The following THOC2 variants were observed in gnomAD, a reference collection of about 807,000 sequenced individuals.
THOC2 encodes THO complex subunit 2.
A neutral mutation model predicts 128.4 loss-of-function variants in THOC2; 10 were observed. That is an observed-to-expected ratio of 0.08 (90% CI 0.05 to 0.13). THOC2 has a LOEUF of 0.13. Ranked by LOEUF, THOC2 falls within the 10% of genes least tolerant of loss-of-function variation. The pLI, the probability that THOC2 is intolerant of heterozygous loss-of-function variation, is 1.00. For missense variants in THOC2, 535 were observed against 1,155.7 expected, an observed-to-expected ratio of 0.46 and a Z score of 7.79; for synonymous variants, 393 against 396.9, an observed-to-expected ratio of 0.99 and a Z score of 0.12.
intron 1 of THOC2, among the ~76,000 whole-genome samples, chrX:123,714,592 CAGA>C (rs2051327948): frequency 9.0e-6 from 1 of 111,604 alleles, no homozygotes; most frequent in South Asian, 3.7e-4. Context: ...AGTAAGGAAA[CAGA>C]AGACTTGAAT....
intron 8 of THOC2, among the ~76,000 whole-genome samples, chrX:123,674,930 C>A (rs2049425336): frequency 9.0e-6 from 1 of 111,460 alleles, no homozygotes; most frequent in Non-Finnish European, 1.9e-5. Context: ...GTACCCCAAA[C>A]CTCAGCATCA....
chrX:123,708,295 T>C (rs911258036), intron 2 of THOC2, among the ~76,000 whole-genome samples: 2 of 111,615 alleles, frequency 1.8e-5, no homozygotes, highest in African/African-American at 3.2e-5. Flanking sequence ...TTATGAAGAA[T>C]TCTTTATTAA....
intron 8 of THOC2, among the ~76,000 whole-genome samples, chrX:123,681,886 C>T (rs949309868): frequency 2.7e-4 from 30 of 111,503 alleles, no homozygotes; most frequent in African/African-American, 8.8e-4. Flanking sequence ...ATGGAGAAAC[C>T]CCACCTCTAC....
intron 1 of THOC2, 61 bp downstream of exon 1, chrX:123,732,891 G>C: frequency 9.2e-7 from 1 of 1,092,727 alleles, no homozygotes; most frequent in Non-Finnish European, 1.3e-6. Context: ...CTACAGGTGA[G>C]AGTGCAGCTG....
intron 1 of THOC2, among the ~76,000 whole-genome samples, chrX:123,720,971 G>C (rs939664326): frequency 2.7e-5 from 3 of 111,592 alleles, no homozygotes; most frequent in African/African-American, 9.8e-5. Context: ...AGATGAAAAA[G>C]ATCAGGAGAA....
At chrX:123,645,200 A>C (rs996356143) in intron 13 of THOC2, 134 bp downstream of exon 13, 19 of 482,964 alleles carry the variant, frequency 3.9e-5, no homozygotes, top group Admixed American at 5.0e-5. Flanking sequence ...ATATGCCGCC[A>C]AAAACTATAA....
Position 123,600,618 on chromosome X carries a change from C to T in THOC2, c.*739G>A, listed in dbSNP as rs905524146. 9 of 112,181 alleles carry T rather than the reference C, an allele frequency of 8.0e-5. No homozygotes were observed. Among genetic ancestry groups the T allele is most frequent in the East Asian group, 2.8e-4 (1 of 3,601 alleles). The allele number at this position is 112,181 out of a possible 1,213,427, so 9.2% of individuals were successfully genotyped here. A position where few individuals can be genotyped will look rare whatever the true frequency, so the allele number is the denominator to read the frequency against. On this transcript the variant is annotated 3_prime_UTR_variant, in exon 39 of 39. Coordinates refer to ENST00000245838, the MANE Select transcript of THOC2 (RefSeq NM_001081550.2). ...GAAAAAAGGTTACACTGGTAGAATT[C>T]GGCAGATAAAAAAATTCTCTTTTAA...
At chrX:123,648,107 C>T (rs1195119064) in intron 12 of THOC2, among the ~76,000 whole-genome samples, 5 of 110,961 alleles carry the variant, frequency 4.5e-5, no homozygotes, top group Admixed American at 9.6e-5. Context: ...CTGAGGTACC[C>T]GGCTCATCTC....
chrX:123,649,339 A>G (rs2048264134), intron 12 of THOC2, among the ~76,000 whole-genome samples: 1 of 111,872 alleles, frequency 8.9e-6, no homozygotes, highest in African/African-American at 3.3e-5. Context: ...AAATCCATGA[A>G]GATGAGAAAA....
chrX:123,645,821 G>A (rs2048102801), intron 12 of THOC2, among the ~76,000 whole-genome samples: 1 of 111,781 alleles, frequency 8.9e-6, no homozygotes, highest in Non-Finnish European at 1.9e-5. Context: ...AATTAGCCAG[G>A]CATGGTGGCG....
rs144256264 is a variant in THOC2, at chrX:123,603,933, A to G, written c.*19-2595T>C. On this transcript the variant is annotated intron_variant, in intron 38 of 38. Coordinates refer to ENST00000245838, the MANE Select transcript of THOC2 (RefSeq NM_001081550.2). ...TAGCTGTCATCAAGAAGAAAGTTGC[A>G]TAGTGATGAAGCAGTGCCAAACTCA... 973 of 127,856 alleles carry G rather than the reference A, an allele frequency of 7.6e-3. 8 individuals carry two copies. The highest frequency in any genetic ancestry group is 0.029 in the African/African-American group (896 of 31,307). The allele number at this position is 127,856 out of a possible 1,213,427, so 10.5% of individuals were successfully genotyped here. A position where few individuals can be genotyped will look rare whatever the true frequency, so the allele number is the denominator to read the frequency against.
chrX:123,670,000 T>TCA (rs1336874588), intron 9 of THOC2, among the ~76,000 whole-genome samples: 1 of 112,329 alleles, frequency 8.9e-6, no homozygotes, highest in African/African-American at 3.2e-5. Flanking sequence ...CTAAATGCAA[T>TCA]CATAATGAGT....
intron 8 of THOC2, among the ~76,000 whole-genome samples, chrX:123,680,152 G>A (rs2049700352): frequency 1.8e-5 from 2 of 110,257 alleles, no homozygotes; most frequent in African/African-American, 3.3e-5. Flanking sequence ...CAAGAGGAAG[G>A]CATCTGTCTC....
chrX:123,614,518 T>C (rs561979075), intron 33 of THOC2, among the ~76,000 whole-genome samples: 1 of 108,585 alleles, frequency 9.2e-6, no homozygotes, highest in Admixed American at 9.8e-5. Context: ...TGAACAATAG[T>C]GACTGGAGTT....
In THOC2 at chrX:123,668,324, G is replaced by T. The variant is rs754376351; in HGVS notation, c.862-10C>A. The T allele has an allele frequency of 8.7e-6, 10 of 1,146,565 alleles. No individual in the cohort carries two copies. The highest frequency in any genetic ancestry group is 1.2e-5 in the Non-Finnish European group (10 of 857,843). 94.5% of individuals were successfully genotyped at this position (1,146,565 alleles called of 1,213,427 possible). On this transcript the variant is annotated splice_polypyrimidine_tract_variant and intron_variant, in intron 9 of 38. Coordinates refer to ENST00000245838, the MANE Select transcript of THOC2 (RefSeq NM_001081550.2). ...TATCAGCCGGAAGAAGCTAAAAATG[G>T]TACATTAAAATTTCATAAAATAGCT...
chrX:123,707,611 T>C (rs2050988636), intron 2 of THOC2, among the ~76,000 whole-genome samples: 1 of 111,398 alleles, frequency 9.0e-6, no homozygotes, highest in African/African-American at 3.3e-5. Context: ...AAAGATATTT[T>C]GGTTTTGGAG....
chrX:123,711,739 C>T, intron 2 of THOC2, among the ~76,000 whole-genome samples: 1 of 110,321 alleles, frequency 9.1e-6, no homozygotes, highest in South Asian at 3.9e-4. Flanking sequence ...GCTGAGATTG[C>T]ACCAATGCAC....
intron 12 of THOC2, among the ~76,000 whole-genome samples, chrX:123,652,626 T>C (rs1434152217): frequency 4.5e-5 from 5 of 111,613 alleles, no homozygotes; most frequent in African/African-American, 1.3e-4. Context: ...CAAGCATTCC[T>C]ATACACCAAT....
At chrX:123,692,214 C>T (rs1216121351) in intron 7 of THOC2, among the ~76,000 whole-genome samples, 1 of 111,662 alleles carries the variant, frequency 9.0e-6, no homozygotes, top group African/African-American at 3.3e-5. Context: ...CAAAGGAGTC[C>T]ACCTGTGATA....
Sources: allele counts gnomAD v4.1 joint callset (sites outside exome capture counted in the v4.1 genomes callset), GRCh38; gene constraint gnomAD v4.1.1; transcripts MANE v1.5; gene names NCBI Gene and HGNC (gene_info 2026-07-23, HGNC 2026-07-21).